The following PAPPA2 variants were observed in gnomAD, a reference collection of about 807,000 sequenced individuals.
The protein encoded by PAPPA2 is pappalysin 2.
PAPPA2 carries 86 observed loss-of-function variants against 176.4 expected under a neutral mutation model. That is an observed-to-expected ratio of 0.49 (90% confidence interval 0.41 to 0.58). The LOEUF is 0.58. Among genes scored for constraint, PAPPA2 ranks in the 20% least tolerant of loss-of-function variants. The probability of loss-of-function intolerance (pLI) is 0.00; values close to 1 mark genes in which losing one functional copy is unlikely to be tolerated. For synonymous variants in PAPPA2, 809 were observed against 852.2 expected (o/e 0.95, Z 0.88); for missense variants, 2,073 against 2,256.9 (o/e 0.92, Z 1.65).
chr1:176,824,751 G>C (rs540941284), intron 21 of PAPPA2, among the ~76,000 whole-genome samples: 1 of 152,258 alleles, frequency 6.6e-6, no homozygotes, highest in African/African-American at 2.4e-5. Context: ...CCCATCAGTG[G>C]AATATGGATA....
chr1:176,796,582 G>A (rs889649940), intron 20 of PAPPA2, among the ~76,000 whole-genome samples: 5 of 150,814 alleles, frequency 3.3e-5, no homozygotes, highest in African/African-American at 1.2e-4. Flanking sequence ...AACCTTTACT[G>A]TTTCTTTCTT....
intron 14 of PAPPA2, among the ~76,000 whole-genome samples, chr1:176,764,519 G>A (rs1297467383): frequency 2.0e-5 from 3 of 152,006 alleles, no homozygotes; most frequent in Non-Finnish European, 4.4e-5. Context: ...CAGAGAGCCT[G>A]AGGCTAATGC....
chr1:176,747,057 G>A (rs776788156), intron 14 of PAPPA2, among the ~76,000 whole-genome samples: 8 of 152,080 alleles, frequency 5.3e-5, no homozygotes, highest in Non-Finnish European at 7.4e-5. Flanking sequence ...AAGTAAGACT[G>A]GAATCCAAGT....
chr1:176,803,321 G>A (rs1665763385), intron 21 of PAPPA2, among the ~76,000 whole-genome samples: 1 of 152,272 alleles, frequency 6.6e-6, no homozygotes, highest in East Asian at 1.9e-4. Flanking sequence ...ATTCTTACTG[G>A]TGTCATTTAT....
intron 2 of PAPPA2, among the ~76,000 whole-genome samples, chr1:176,590,871 G>A (rs924336478): frequency 2.0e-5 from 3 of 152,040 alleles, no homozygotes; most frequent in Admixed American, 2.0e-4. Flanking sequence ...CTTGGTTCTA[G>A]TGCACTCTCT....
In PAPPA2 at chr1:176,668,980, G is replaced by A. The variant is rs1001776990; in HGVS notation, c.1992-1990G>A. Among the ~76,000 whole-genome samples the A allele has an allele frequency of 5.9e-5, 9 of 152,098 alleles. No individual in the cohort carries two copies. The South Asian group carries it at 6.2e-4, about 11-fold the overall frequency. On this transcript the variant is annotated intron_variant, in intron 3 of 22. Coordinates refer to ENST00000367662, the MANE Select transcript of PAPPA2 (RefSeq NM_020318.3). ...GTTGGTGTGGAGGAGGAGGCCCCTC[G>A]GAGGGTGCTCAAGATAAATTAGTGG...
chr1:176,511,358 G>C (rs1233159599), intron 1 of PAPPA2, among the ~76,000 whole-genome samples: 1 of 152,152 alleles, frequency 6.6e-6, no homozygotes, highest in African/African-American at 2.4e-5. Context: ...AGGAATACAA[G>C]TCCAGTTTGG....
At chr1:176,790,872 T>C (rs1225656361) in intron 18 of PAPPA2, among the ~76,000 whole-genome samples, 4 of 152,166 alleles carry the variant, frequency 2.6e-5, no homozygotes, top group African/African-American at 9.7e-5. Flanking sequence ...AACTATGATG[T>C]GTCCATTTAA....
intron 2 of PAPPA2, among the ~76,000 whole-genome samples, chr1:176,579,235 C>T (rs1652824032): frequency 6.6e-6 from 1 of 152,108 alleles, no homozygotes; most frequent in South Asian, 2.1e-4. Context: ...CCGTCAAATA[C>T]AGATTTCTAC....
intron 1 of PAPPA2, among the ~76,000 whole-genome samples, chr1:176,467,268 T>A (rs1393290720): frequency 6.6e-6 from 1 of 152,220 alleles, no homozygotes; most frequent in South Asian, 2.1e-4. Context: ...CCACTGTTGT[T>A]TATGCAGTCC....
chr1:176,561,608 AT>A (rs747354063), intron 2 of PAPPA2, among the ~76,000 whole-genome samples: 2 of 152,230 alleles, frequency 1.3e-5, no homozygotes, highest in Non-Finnish European at 2.9e-5. Context: ...ATTTAAAAAA[AT>A]CCATTCTTTT....
intron 3 of PAPPA2, among the ~76,000 whole-genome samples, chr1:176,659,064 T>A (rs568786273): frequency 6.6e-6 from 1 of 152,150 alleles, no homozygotes; most frequent in Admixed American, 6.6e-5. Flanking sequence ...ACTAGCAGAA[T>A]TTTTATAGCA....
intron 19 of PAPPA2, 46 bp from the exon 20 acceptor site, chr1:176,793,514 A>G: frequency 6.8e-7 from 1 of 1,461,628 alleles, no homozygotes; most frequent in Non-Finnish European, 9.5e-7. Flanking sequence ...AAAAAGAATG[A>G]GATCTGGGAA....
At chr1:176,730,942 A>G (rs1662112121) in intron 12 of PAPPA2, among the ~76,000 whole-genome samples, 1 of 151,778 alleles carries the variant, frequency 6.6e-6, no homozygotes, top group African/African-American at 2.4e-5. Flanking sequence ...TTTATTAGAT[A>G]TTTTTTTCTC....
intron 1 of PAPPA2, among the ~76,000 whole-genome samples, chr1:176,516,661 A>G (rs1219898986): frequency 6.6e-6 from 1 of 152,204 alleles, no homozygotes; most frequent in Non-Finnish European, 1.5e-5. Context: ...CTTGGGGACC[A>G]CATCAACAAG....
chr1:176,724,895 T>A lies in PAPPA2; in HGVS notation c.3798+12914T>A, dbSNP rs182204351. ...TTTTCTCATTCTAAAAATGATTATC[T>A]TAAAATTCAGAGATGTTAAGCACTG... On this transcript the variant is annotated intron_variant, in intron 12 of 22. Coordinates refer to ENST00000367662, the MANE Select transcript of PAPPA2 (RefSeq NM_020318.3). Among the ~76,000 whole-genome samples the A allele has an allele frequency of 2.6e-5, 4 of 152,352 alleles. No individual in the cohort carries two copies. In the East Asian group the frequency reaches 7.7e-4, roughly 29 times the overall value.
At chr1:176,541,016 A>T (rs548928166) in intron 1 of PAPPA2, among the ~76,000 whole-genome samples, 1 of 152,320 alleles carries the variant, frequency 6.6e-6, no homozygotes, top group South Asian at 2.1e-4. Context: ...GAGTTTCAAG[A>T]TCTATAATCT....
chr1:176,603,008 G>A (rs1341291472), intron 3 of PAPPA2, among the ~76,000 whole-genome samples: 1 of 152,198 alleles, frequency 6.6e-6, no homozygotes, highest in African/African-American at 2.4e-5. Context: ...TGAGTGGGGG[G>A]CTGGGGAGTG....
chr1:176,710,069 T>G lies in PAPPA2; in HGVS notation c.3544T>G (p.Tyr1182Asp). ...RKTSIVDCGI[Y>D]TPKGYLDQWA... ...AACCAGCATTGTAGACTGTGGCATC[T>G]ACACTCCCAAAGGATACTTGGATCA... is the stretch of plus-strand genomic sequence containing the variant. Residue 1182 changes from tyrosine to aspartate, a missense_variant, in exon 11 of 23, where the codon TAC (tyrosine) becomes GAC (aspartate). Physicochemically the swap from Tyr to Asp is radical, Grantham distance 160 (BLOSUM62 -3). Around this residue, in one of 4 missense-constraint regions of PAPPA2, gnomAD observed 846 missense variants for 857.9 expected, o/e 0.99. Coordinates refer to ENST00000367662, the MANE Select transcript of PAPPA2 (RefSeq NM_020318.3). 6.2e-7 allele frequency: 1 copy of G among 1,613,872 alleles called. No individual in the cohort carries two copies.
Sources: allele counts gnomAD v4.1 joint callset (sites outside exome capture counted in the v4.1 genomes callset), GRCh38; gene constraint gnomAD v4.1.1; regional missense constraint gnomAD v4.1.1; transcripts MANE v1.5; gene names NCBI Gene and HGNC (gene_info 2026-07-23, HGNC 2026-07-21).